Variants in CARHSP1 observed in about 807,000 individuals in gnomAD.
The protein encoded by CARHSP1 is calcium regulated heat stable protein 1, also known as calcium-regulated heat-stable protein 1.
A neutral mutation model predicts 12.5 loss-of-function variants in CARHSP1; 14 were observed. The ratio of observed to expected loss-of-function variants is 1.12; its 90% CI spans 0.74 to 1.75. The LOEUF is 1.75. Ranked by LOEUF, CARHSP1 falls within the 40% of genes most tolerant of loss-of-function variation. The pLI is 0.00. For synonymous variants in CARHSP1, 161 were observed against 82.0 expected (o/e 1.96, Z -5.20); for missense variants, 343 against 201.6 (o/e 1.70, Z -4.25).
intron 1 of CARHSP1, among the ~76,000 whole-genome samples, chr16:8,864,436 G>A (rs1358891434): frequency 6.6e-6 from 1 of 152,170 alleles, no homozygotes. Flanking sequence ...GCAGTGTCCT[G>A]GGGCCATTCT....
rs1013443985 is a variant in CARHSP1, at chr16:8,853,851, C to T, written c.*1313G>A. 1 of 152,164 alleles carries T rather than the reference C, an allele frequency of 6.6e-6. No homozygotes were observed. The highest frequency in any genetic ancestry group is 1.5e-5 in the Non-Finnish European group (1 of 68,032). 9.4% of individuals were successfully genotyped at this position (152,164 alleles called of 1,614,324 possible). ...TTGTAATCCCAGCACTTTGAGAGGC[C>T]GAGATGGGCAGATCATCTGAGGTCA... On this transcript the variant is annotated 3_prime_UTR_variant, in exon 4 of 4. Coordinates refer to ENST00000311052, the MANE Select transcript of CARHSP1 (RefSeq NM_014316.4).
chr16:8,866,511 G>T (rs758387537), intron 1 of CARHSP1: 322 of 980,966 alleles, frequency 3.3e-4, no homozygotes, highest in Non-Finnish European at 3.7e-4. Flanking sequence ...CCCAGCCTGG[G>T]AGAACTGCCG....
intron 3 of CARHSP1, among the ~76,000 whole-genome samples, chr16:8,855,666 A>C (rs2061078054): frequency 7.6e-6 from 1 of 132,144 alleles, no homozygotes. Flanking sequence ...AGCCAGTCCA[A>C]GCCAGAGAGC....
In CARHSP1 at chr16:8,859,100, G is replaced by C. The variant is rs1306474712; in HGVS notation, c.158+71C>G. The C allele has an allele frequency of 7.7e-6, 11 of 1,432,164 alleles. No individual in the cohort carries two copies. In the African/African-American group the frequency reaches 1.1e-4, roughly 15 times the overall value. The allele number at this position is 1,432,164 out of a possible 1,614,324, so 88.7% of individuals were successfully genotyped here. A position where few individuals can be genotyped will look rare whatever the true frequency, so the allele number is the denominator to read the frequency against. On this transcript the variant is annotated intron_variant, in intron 2 of 3. Transcript: ENST00000311052. ...GGACATAGGCCCAAAAATGGCCAGA[G>C]ACACAGTGAATCTCTGGCCTCAGGC...
rs188748341 is a variant in CARHSP1 at position 8,857,105 on chromosome 16, G to T, written c.281+1245C>A. Among the ~76,000 whole-genome samples, 672 of 152,140 alleles carry T rather than the reference G, an allele frequency of 4.4e-3. 4 individuals are homozygous for T. The highest frequency in any genetic ancestry group is 0.015 in the African/African-American group (628 of 41,504). On this transcript the variant is annotated intron_variant, in intron 3 of 3. Coordinates refer to ENST00000311052, the MANE Select transcript of CARHSP1 (RefSeq NM_014316.4). The stretch of plus-strand genomic sequence containing the variant: ...CTCCCCAGCCTCATGGGGTGTCCTT[G>T]GCCAGATATAATGGGCACTCGGACT...
At chr16:8,863,253 T>G (rs36097823) in intron 1 of CARHSP1, among the ~76,000 whole-genome samples, 1 of 151,272 alleles carries the variant, frequency 6.6e-6, no homozygotes, top group Non-Finnish European at 1.5e-5. Context: ...TCCTGGGTTG[T>G]GGGACTACGG....
Position 8,854,968 on chromosome 16 carries a change from A to C in CARHSP1, c.*196T>G, listed in dbSNP as rs1012766083. ...ATGGTGAGAGGTTGTTGCAATGGTCATAGGCTGTGCTGATGGCCGGGAACA... is the reference window on the plus strand; with the variant it reads ...ATGGTGAGAGGTTGTTGCAATGGTCCTAGGCTGTGCTGATGGCCGGGAACA... On this transcript the variant is annotated 3_prime_UTR_variant, in exon 4 of 4. Coordinates refer to ENST00000311052, the MANE Select transcript of CARHSP1 (RefSeq NM_014316.4). The C allele has an allele frequency of 1.1e-5, 5 of 475,886 alleles. No homozygotes were observed. The allele number at this position is 475,886 out of a possible 1,614,324, so 29.5% of individuals were successfully genotyped here. A position where few individuals can be genotyped will look rare whatever the true frequency, so the allele number is the denominator to read the frequency against.
intron 1 of CARHSP1, chr16:8,866,490 C>A: frequency 6.1e-6 from 6 of 985,218 alleles, no homozygotes; most frequent in Non-Finnish European, 7.2e-6. Context: ...CAGTCTCCAG[C>A]GCAGCTGAGC....
At chr16:8,868,010 A>C (rs1156934768) in intron 1 of CARHSP1, 3 of 152,320 alleles carry the variant, frequency 2.0e-5, no homozygotes, top group African/African-American at 7.2e-5. Context: ...AGAGAGACTG[A>C]GAAATATCAA....
intron 3 of CARHSP1, among the ~76,000 whole-genome samples, chr16:8,856,914 G>C (rs542765091): frequency 3.3e-5 from 5 of 152,250 alleles, no homozygotes; most frequent in African/African-American, 9.6e-5. Flanking sequence ...CTCCCCAAGG[G>C]TTTTCAGACA....
intron 3 of CARHSP1, among the ~76,000 whole-genome samples, chr16:8,857,070 C>T (rs938446776): frequency 4.6e-5 from 7 of 152,070 alleles, no homozygotes; most frequent in African/African-American, 1.7e-4. Flanking sequence ...GGTCCCCAGG[C>T]CAAACAGGGC....
In CARHSP1 at chr16:8,859,333, G is replaced by A. The variant is rs2061266657; in HGVS notation, c.-5C>T. 5 of 1,598,504 alleles carry A rather than the reference G, an allele frequency of 3.1e-6. No homozygotes were observed. The highest frequency in any genetic ancestry group is 1.7e-5 in the Admixed American group (1 of 58,972). Reference sequence around the variant, plus strand: ...TGGGGGAGGCTCAGATGACATGGCTGACCTGGAAAGAGAAGAGGCTGTCAG... The same window carrying A: ...TGGGGGAGGCTCAGATGACATGGCTAACCTGGAAAGAGAAGAGGCTGTCAG... On this transcript the variant is annotated splice_region_variant and 5_prime_UTR_variant, in exon 2 of 4. Transcript: ENST00000311052.
chr16:8,858,257 C>G (rs1037808117), intron 3 of CARHSP1, 93 bp downstream of exon 3: 48 of 1,445,872 alleles, frequency 3.3e-5, no homozygotes, highest in Non-Finnish European at 4.2e-5. Flanking sequence ...TCCTCACACC[C>G]AGCGCCCATC....
At chr16:8,868,424 C>T (rs2061482834) in intron 1 of CARHSP1, 1 of 151,872 alleles carries the variant, frequency 6.6e-6, no homozygotes. Flanking sequence ...CGGGCGCAAA[C>T]ACCCGGGCCC....
intron 2 of CARHSP1, 79 bp downstream of exon 2, chr16:8,859,092 T>G (rs1302069476): frequency 2.2e-6 from 3 of 1,378,868 alleles, no homozygotes; most frequent in South Asian, 1.5e-5. Context: ...GGCCCAAAAA[T>G]GGCCAGAGAC....
chr16:8,862,042 G>A (rs78802198), intron 1 of CARHSP1, among the ~76,000 whole-genome samples: 4 of 125,144 alleles, frequency 3.2e-5, no homozygotes, highest in South Asian at 2.7e-4. Flanking sequence ...TCCTGCTGTC[G>A]CCCAGGCTGG....
At chr16:8,856,208 G>A (rs961125250) in intron 3 of CARHSP1, among the ~76,000 whole-genome samples, 8 of 152,124 alleles carry the variant, frequency 5.3e-5, no homozygotes, top group African/African-American at 1.7e-4. Context: ...TTACTTTCTA[G>A]GGGACATGAG....
intron 1 of CARHSP1, 63 bp from the exon 2 acceptor site, chr16:8,859,398 C>T (rs1458124010): frequency 7.0e-7 from 1 of 1,423,630 alleles, no homozygotes; most frequent in Non-Finnish European, 9.6e-7. Context: ...GTGCTTACCC[C>T]CATGTCCACG....
chr16:8,868,626 C>G (rs1051980296), intron 1 of CARHSP1: 5 of 151,836 alleles, frequency 3.3e-5, no homozygotes, highest in African/African-American at 1.2e-4. Context: ...CCCGGCGAGT[C>G]CCCCGTCCAG....
Sources: allele counts gnomAD v4.1 joint callset (sites outside exome capture counted in the v4.1 genomes callset), GRCh38; gene constraint gnomAD v4.1.1; transcripts MANE v1.5; gene names NCBI Gene and HGNC (gene_info 2026-07-23, HGNC 2026-07-21).